Variants in NRXN3 observed in about 807,000 individuals in gnomAD.
NRXN3 encodes neurexin 3.
NRXN3 carries 32 observed loss-of-function variants against 137.6 expected under a neutral mutation model. That is an observed-to-expected ratio of 0.23 (90% confidence interval 0.18 to 0.31). The LOEUF (loss-of-function observed/expected upper bound fraction) is 0.31, where lower values mean the gene tolerates loss of function less well. Ranked by LOEUF, NRXN3 falls within the 10% of genes least tolerant of loss-of-function variation. The probability of loss-of-function intolerance (pLI) is 1.00; values close to 1 mark genes in which losing one functional copy is unlikely to be tolerated. For synonymous variants in NRXN3, 798 were observed against 784.5 expected (o/e 1.02, Z -0.29); for missense variants, 1,574 against 2,062.5 (o/e 0.76, Z 4.59).
intron 10 of NRXN3, among the ~76,000 whole-genome samples, chr14:78,942,113 T>C (rs949115389): frequency 6.6e-6 from 1 of 152,228 alleles, no homozygotes; most frequent in Non-Finnish European, 1.5e-5. Flanking sequence ...GCTCAGAGTG[T>C]GGGCTCTGGA....
intron 19 of NRXN3, among the ~76,000 whole-genome samples, chr14:79,716,281 T>C (rs1008038190): frequency 3.9e-5 from 6 of 152,294 alleles, no homozygotes; most frequent in Middle Eastern, 3.4e-3. Flanking sequence ...TGTGTTAATA[T>C]ATCACACTCA....
chr14:78,284,508 T>C (rs2074890818), intron 3 of NRXN3, among the ~76,000 whole-genome samples: 2 of 152,208 alleles, frequency 1.3e-5, no homozygotes, highest in African/African-American at 4.8e-5. Flanking sequence ...AAATAAACTT[T>C]CTAAATTAAC....
intron 4 of NRXN3, among the ~76,000 whole-genome samples, chr14:78,330,106 C>T (rs2080613167): frequency 6.6e-6 from 1 of 152,100 alleles, no homozygotes; most frequent in South Asian, 2.1e-4. Flanking sequence ...TTCTGTACTC[C>T]TAGTGACACA....
chr14:78,206,152 T>C (rs2062163530), intron 1 of NRXN3, among the ~76,000 whole-genome samples: 1 of 152,164 alleles, frequency 6.6e-6, no homozygotes, highest in Non-Finnish European at 1.5e-5. Context: ...GTCTTTTTGT[T>C]TTGTAAAGTA....
At chr14:79,672,396 T>C (rs987446087) in intron 17 of NRXN3, among the ~76,000 whole-genome samples, 1 of 152,034 alleles carries the variant, frequency 6.6e-6, no homozygotes, top group Non-Finnish European at 1.5e-5. Context: ...TTTCCAACCA[T>C]AATGCATCTA....
intron 15 of NRXN3, among the ~76,000 whole-genome samples, chr14:79,288,456 G>T (rs1472511513): frequency 6.6e-6 from 1 of 152,192 alleles, no homozygotes; most frequent in Non-Finnish European, 1.5e-5. Context: ...TACACCCACT[G>T]TGTGACAGGT....
intron 2 of NRXN3, among the ~76,000 whole-genome samples, chr14:78,262,395 T>C (rs2070893516): frequency 6.6e-6 from 1 of 152,126 alleles, no homozygotes; most frequent in South Asian, 2.1e-4. Context: ...ATGCAGAATC[T>C]TGGAGGTAAG....
At chr14:79,638,277 T>C (rs2098415914) in intron 16 of NRXN3, among the ~76,000 whole-genome samples, 1 of 152,186 alleles carries the variant, frequency 6.6e-6, no homozygotes, top group African/African-American at 2.4e-5. Context: ...CTTGATAATG[T>C]GGTCTTTTAA....
intron 4 of NRXN3, among the ~76,000 whole-genome samples, chr14:78,465,414 AAACTG>A (rs2095068697): frequency 6.6e-6 from 1 of 152,216 alleles, no homozygotes; most frequent in South Asian, 2.1e-4. Flanking sequence ...ATAAAATAAG[AAACTG>A]GATATGAAAC....
At chr14:78,257,245 A>C (rs181021622) in intron 2 of NRXN3, among the ~76,000 whole-genome samples, 2 of 152,374 alleles carry the variant, frequency 1.3e-5, no homozygotes, top group Admixed American at 6.5e-5. Flanking sequence ...CAATCCTTGA[A>C]GTATAATCAT....
At chr14:79,597,887 A>T (rs1207333454) in intron 16 of NRXN3, among the ~76,000 whole-genome samples, 1 of 152,196 alleles carries the variant, frequency 6.6e-6, no homozygotes, top group Non-Finnish European at 1.5e-5. Flanking sequence ...GAAAAAATTA[A>T]ACCAGGCAGA....
At chr14:78,630,477 C>T (rs2097508667) in intron 4 of NRXN3, among the ~76,000 whole-genome samples, 1 of 152,088 alleles carries the variant, frequency 6.6e-6, no homozygotes, top group South Asian at 2.1e-4. Flanking sequence ...GTTCCCAGTG[C>T]CTAGCAGTGT....
At chr14:79,302,101 C>T (rs1357229692) in intron 15 of NRXN3, among the ~76,000 whole-genome samples, 3 of 151,918 alleles carry the variant, frequency 2.0e-5, no homozygotes, top group Admixed American at 1.3e-4. Flanking sequence ...CTTTTTGTTT[C>T]AGTCTAACAC....
At chr14:79,506,185 G>A (rs1387937459) in intron 16 of NRXN3, among the ~76,000 whole-genome samples, 1 of 152,156 alleles carries the variant, frequency 6.6e-6, no homozygotes, top group African/African-American at 2.4e-5. Flanking sequence ...CAAATTACAG[G>A]TCTCATATAC....
rs561564327 is a variant in NRXN3 at position 78,909,553 on chromosome 14, G to A, written c.2276-47689G>A. ...GGGCAATTATGTGAGAGTTTTGGTG[G>A]CAAATTATTAAGCATTCACCTTGCC... On this transcript the variant is annotated intron_variant, in intron 10 of 20. Transcript: ENST00000335750. 3.3e-5 allele frequency among the ~76,000 whole-genome samples: 5 copies of A among 152,136 alleles called. No individual in the cohort carries two copies. In the South Asian group the frequency reaches 1.0e-3, roughly 32 times the overall value.
At chr14:78,675,185 A>G (rs1377958060) in intron 6 of NRXN3, among the ~76,000 whole-genome samples, 1 of 152,140 alleles carries the variant, frequency 6.6e-6, no homozygotes, top group Admixed American at 6.6e-5. Context: ...CAGAATTGGG[A>G]GGCTTTTTCT....
intron 20 of NRXN3, among the ~76,000 whole-genome samples, chr14:79,816,411 T>C (rs1603595208): frequency 6.6e-6 from 1 of 152,176 alleles, no homozygotes; most frequent in Non-Finnish European, 1.5e-5. Context: ...TTAAATGTAT[T>C]ATGGTTGTGT....
At chr14:79,493,609 C>G (rs543981693) in intron 16 of NRXN3, among the ~76,000 whole-genome samples, 1 of 152,294 alleles carries the variant, frequency 6.6e-6, no homozygotes, top group African/African-American at 2.4e-5. Context: ...GAAATACACT[C>G]TATCACGGGA....
At chr14:78,303,709 G>A (rs550731155) in intron 4 of NRXN3, among the ~76,000 whole-genome samples, 1 of 152,048 alleles carries the variant, frequency 6.6e-6, no homozygotes, top group Non-Finnish European at 1.5e-5. Context: ...TTGGACTTTT[G>A]CTAAAGCTCT....
Sources: gnomAD v4.1 joint callset for allele counts (sites outside exome capture counted in the v4.1 genomes callset) on GRCh38, gnomAD v4.1.1 for gene constraint, MANE v1.5 for transcripts, NCBI Gene and HGNC (gene_info 2026-07-23, HGNC 2026-07-21) for gene names.